The following SLC30A7 variants were observed in gnomAD, a reference collection of about 807,000 sequenced individuals.
The protein encoded by SLC30A7 is solute carrier family 30 member 7, also known as zinc transporter 7.
A neutral mutation model predicts 46.0 loss-of-function variants in SLC30A7; 35 were observed. The observed-to-expected ratio is 0.76, with a 90% confidence interval of 0.58 to 1.01. SLC30A7 has a LOEUF of 1.01. Among genes scored for constraint, SLC30A7 ranks in the 50% least tolerant of loss-of-function variants. The pLI, the probability that SLC30A7 is intolerant of heterozygous loss-of-function variation, is 0.00. For synonymous variants in SLC30A7, 147 were observed against 157.8 expected (o/e 0.93, Z 0.51); for missense variants, 464 against 451.1 (o/e 1.03, Z -0.26).
At chr1:100,915,191 T>TCCTCC (rs1557981061) in intron 6 of SLC30A7, among the ~76,000 whole-genome samples, 3 of 84,848 alleles carry the variant, frequency 3.5e-5, no homozygotes, top group African/African-American at 1.4e-4. Flanking sequence ...TTCTTTTCTT[T>TCCTCC]CTTTTCTTTC....
rs759255645 is a variant in SLC30A7 at position 100,951,075 on chromosome 1, AGTC to A, written c.843-10750_843-10748del. Among the ~76,000 whole-genome samples, 10 of 152,324 alleles carry A rather than the reference AGTC, an allele frequency of 6.6e-5. No homozygotes were observed. In the South Asian group the frequency reaches 2.1e-3, roughly 32 times the overall value. ...AATGGGATTTATAGACCAACTCCTC[AGTC>A]GTTGGAAGACAGCTGCTGAAAAGTG... is the stretch of plus-strand genomic sequence containing the variant. On this transcript the variant is annotated intron_variant, in intron 8 of 10. Transcript: ENST00000357650.
intron 8 of SLC30A7, among the ~76,000 whole-genome samples, chr1:100,937,553 C>A (rs1654046440): frequency 6.6e-6 from 1 of 152,096 alleles, no homozygotes; most frequent in African/African-American, 2.4e-5. Context: ...TTTTGATTTG[C>A]ATTTCCCTAA....
chr1:100,981,990 G>A (rs764927823), downstream of SLC30A7, among the ~76,000 whole-genome samples: 89 of 152,240 alleles, frequency 5.8e-4, no homozygotes, highest in Admixed American at 1.2e-3. Context: ...AACATGTCTC[G>A]AAGTATTTAC....
chr1:100,940,491 G>C lies in SLC30A7; in HGVS notation c.842+18650G>C, dbSNP rs532235411. Among the ~76,000 whole-genome samples, 87 of 152,238 alleles carry C rather than the reference G, an allele frequency of 5.7e-4. 1 individual carries two copies. Among genetic ancestry groups the C allele is most frequent in the African/African-American group, 1.9e-3 (78 of 41,534 alleles). On this transcript the variant is annotated intron_variant, in intron 8 of 10. Transcript: ENST00000357650. ...AAGTCACAAGACACAATAAATTAGAGTAAGTATTGGCCACTTAGATCATGA... is the reference window on the plus strand; with the variant it reads ...AAGTCACAAGACACAATAAATTAGACTAAGTATTGGCCACTTAGATCATGA...
chr1:100,925,358 T>C (rs1424119368), intron 8 of SLC30A7, among the ~76,000 whole-genome samples: 2 of 152,194 alleles, frequency 1.3e-5, no homozygotes, highest in Non-Finnish European at 2.9e-5. Flanking sequence ...CCAAGTGCAA[T>C]GGGACACAAT....
At chr1:100,932,372 G>A (rs767314665) in intron 8 of SLC30A7, among the ~76,000 whole-genome samples, 6 of 152,152 alleles carry the variant, frequency 3.9e-5, no homozygotes, top group South Asian at 2.1e-4. Context: ...CCGAGATTGC[G>A]CCACTGCACT....
intron 8 of SLC30A7, among the ~76,000 whole-genome samples, chr1:100,933,409 A>AT (rs959654305): frequency 8.0e-5 from 12 of 149,582 alleles, no homozygotes; most frequent in East Asian, 5.9e-4. Context: ...TGTCCTAACA[A>AT]TTTTTTTTTT....
intron 8 of SLC30A7, among the ~76,000 whole-genome samples, chr1:100,961,116 G>C (rs1274518950): frequency 1.3e-5 from 2 of 150,788 alleles, no homozygotes; most frequent in African/African-American, 4.9e-5. Flanking sequence ...CACCATGCCC[G>C]GCTGATTTTT....
At chr1:100,956,236 T>C (rs1162381060) in intron 8 of SLC30A7, among the ~76,000 whole-genome samples, 3 of 152,152 alleles carry the variant, frequency 2.0e-5, no homozygotes, top group Admixed American at 6.5e-5. Flanking sequence ...TGAATGGTGT[T>C]AAAATGAGTG....
chr1:100,927,515 C>G (rs558595708), intron 8 of SLC30A7, among the ~76,000 whole-genome samples: 76 of 152,276 alleles, frequency 5.0e-4, no homozygotes, highest in African/African-American at 1.8e-3. Flanking sequence ...TAAGTCAACT[C>G]CTTTTCAAAG....
chr1:100,907,060 A>C, intron 3 of SLC30A7, 95 bp downstream of exon 3: 1 of 774,750 alleles, frequency 1.3e-6, no homozygotes, highest in Admixed American at 2.6e-5. Flanking sequence ...CCAATTGAAC[A>C]CAGGTGTAAC....
chr1:100,922,955 G>T (rs1570535216), intron 8 of SLC30A7, among the ~76,000 whole-genome samples: 1 of 147,182 alleles, frequency 6.8e-6, no homozygotes, highest in South Asian at 2.1e-4. Flanking sequence ...ACTAAGATCT[G>T]CTAGAGGCCA....
At chr1:100,973,943 AGATT>A (rs370953754) in intron 10 of SLC30A7, among the ~76,000 whole-genome samples, 139 of 152,288 alleles carry the variant, frequency 9.1e-4, no homozygotes, top group South Asian at 1.9e-3. Flanking sequence ...GGGAAGCAAA[AGATT>A]GGTTGAAATG....
At chr1:100,916,100 G>A (rs1375799810) in intron 6 of SLC30A7, among the ~76,000 whole-genome samples, 2 of 149,728 alleles carry the variant, frequency 1.3e-5, no homozygotes, top group Non-Finnish European at 3.0e-5. Flanking sequence ...TTATTCCTTC[G>A]GCCATTTATT....
At chr1:100,951,726 C>T (rs1480899894) in intron 8 of SLC30A7, among the ~76,000 whole-genome samples, 1 of 152,196 alleles carries the variant, frequency 6.6e-6, no homozygotes, top group Non-Finnish European at 1.5e-5. Context: ...CAGTGAGGTC[C>T]TGCCAACAAC....
intron 6 of SLC30A7, among the ~76,000 whole-genome samples, chr1:100,917,191 A>G (rs1251518666): frequency 2.0e-5 from 3 of 152,186 alleles, no homozygotes; most frequent in Non-Finnish European, 4.4e-5. Flanking sequence ...AATGTTGAAA[A>G]ACTGCATATC....
At chr1:100,989,178 C>T in the SLC30A7 span, among the ~76,000 whole-genome samples, 1 of 152,088 alleles carries the variant, frequency 6.6e-6, no homozygotes, top group African/African-American at 2.4e-5. Context: ...TGTGACTACT[C>T]GCACATATAC....
chr1:100,963,216 T>C (rs1052894643), intron 9 of SLC30A7, among the ~76,000 whole-genome samples: 1 of 152,208 alleles, frequency 6.6e-6, no homozygotes, highest in Non-Finnish European at 1.5e-5. Flanking sequence ...GGAGAAGTTC[T>C]AGTTCTACTC....
chr1:100,920,418 G>T (rs1179684008), intron 7 of SLC30A7, among the ~76,000 whole-genome samples: 1 of 151,874 alleles, frequency 6.6e-6, no homozygotes, highest in Non-Finnish European at 1.5e-5. Context: ...TATTCTATAA[G>T]TATGTCTGAC....
Sources: gnomAD v4.1 joint callset for allele counts (sites outside exome capture counted in the v4.1 genomes callset) on GRCh38, gnomAD v4.1.1 for gene constraint, MANE v1.5 for transcripts, NCBI Gene and HGNC (gene_info 2026-07-23, HGNC 2026-07-21) for gene names.